The following PTPRD variants were observed in gnomAD, a reference collection of about 807,000 sequenced individuals.
The protein encoded by PTPRD is receptor-type tyrosine-protein phosphatase delta.
PTPRD carries 34 observed loss-of-function variants against 214.5 expected under a neutral mutation model. The ratio of observed to expected loss-of-function variants is 0.16; its 90% CI spans 0.12 to 0.21. PTPRD has a LOEUF of 0.21. Among genes scored for constraint, PTPRD ranks in the 10% least tolerant of loss-of-function variants. The probability of loss-of-function intolerance (pLI) is 1.00; values close to 1 mark genes in which losing one functional copy is unlikely to be tolerated. For missense variants in PTPRD, 2,545 were observed against 2,398.7 expected (o/e 1.06, Z -1.27); for synonymous variants, 1,128 against 845.7 (o/e 1.33, Z -5.79).
At chr9:8,937,131 G>A (rs1237882203) in intron 11 of PTPRD, among the ~76,000 whole-genome samples, 1 of 151,974 alleles carries the variant, frequency 6.6e-6, no homozygotes, top group Non-Finnish European at 1.5e-5. Context: ...GAAAAATGTT[G>A]ATTAGCTATA....
At chr9:10,089,851 A>G (rs757337653) in intron 3 of PTPRD, among the ~76,000 whole-genome samples, 70 of 151,696 alleles carry the variant, frequency 4.6e-4, no homozygotes, top group Non-Finnish European at 8.3e-4. Context: ...CAAGGGTAGA[A>G]CCATCAGACA....
chr9:8,382,894 G>A (rs2085600798), intron 37 of PTPRD, among the ~76,000 whole-genome samples: 1 of 152,146 alleles, frequency 6.6e-6, no homozygotes, highest in Admixed American at 6.5e-5. Flanking sequence ...ACGGCCTTTG[G>A]CGCTTCCAGT....
intron 9 of PTPRD, among the ~76,000 whole-genome samples, chr9:9,368,846 G>A (rs1314185228): frequency 3.3e-5 from 5 of 151,854 alleles, no homozygotes; most frequent in African/African-American, 1.2e-4. Flanking sequence ...ATGTTGGTGT[G>A]CTGCACCCAT....
At chr9:9,275,185 TATATATATATATA>T (rs1944996133) in intron 9 of PTPRD, among the ~76,000 whole-genome samples, 1 of 19,502 alleles carries the variant, frequency 5.1e-5, no homozygotes, top group Non-Finnish European at 9.8e-5. Flanking sequence ...ATATATATGT[TATATATATATATA>T]TTATATATAT....
At chr9:10,149,708 G>A (rs2099047526) in intron 3 of PTPRD, among the ~76,000 whole-genome samples, 1 of 151,734 alleles carries the variant, frequency 6.6e-6, no homozygotes, top group African/African-American at 2.4e-5. Context: ...TGAATGGTCT[G>A]GCACAATACC....
chr9:9,177,016 T>C (rs2099925309), intron 10 of PTPRD, among the ~76,000 whole-genome samples: 1 of 152,142 alleles, frequency 6.6e-6, no homozygotes, highest in African/African-American at 2.4e-5. Flanking sequence ...CCACTTGTAT[T>C]AATTCATTTT....
intron 11 of PTPRD, among the ~76,000 whole-genome samples, chr9:8,929,741 A>ATATG (rs1555536518): frequency 2.9e-5 from 3 of 101,714 alleles, no homozygotes; most frequent in African/African-American, 1.1e-4. Context: ...GTGTATATAT[A>ATATG]TGTGTATATA....
intron 5 of PTPRD, among the ~76,000 whole-genome samples, chr9:9,784,106 T>C (rs1443929331): frequency 6.6e-6 from 1 of 152,112 alleles, no homozygotes. Context: ...GCGAAAGATT[T>C]CCTATAAGAT....
intron 3 of PTPRD, among the ~76,000 whole-genome samples, chr9:10,063,648 T>G (rs766946922): frequency 2.6e-5 from 4 of 151,990 alleles, no homozygotes; most frequent in Non-Finnish European, 5.9e-5. Flanking sequence ...CATATGTACT[T>G]GATTACAAAT....
At chr9:10,260,730 G>C (rs545057593) in intron 3 of PTPRD, among the ~76,000 whole-genome samples, 1 of 152,136 alleles carries the variant, frequency 6.6e-6, no homozygotes, top group African/African-American at 2.4e-5. Context: ...GAGCATGCAA[G>C]TTCCCATTAA....
chr9:8,882,214 G>A (rs1039922516), intron 11 of PTPRD, among the ~76,000 whole-genome samples: 1 of 152,126 alleles, frequency 6.6e-6, no homozygotes, highest in African/African-American at 2.4e-5. Context: ...ACAGAGTGGT[G>A]TTCCTTTCAT....
At chr9:9,120,353 T>G (rs1397479827) in intron 10 of PTPRD, among the ~76,000 whole-genome samples, 2 of 152,206 alleles carry the variant, frequency 1.3e-5, no homozygotes, top group Admixed American at 6.5e-5. Context: ...ATATATGCCA[T>G]CAGGCACTTG....
intron 26 of PTPRD, among the ~76,000 whole-genome samples, chr9:8,496,206 ACACAAAC>A (rs1563828207): frequency 0.052 from 7,207 of 139,268 alleles, 213 homozygotes; most frequent in South Asian, 0.097. Context: ...ACACACACAC[ACACAAAC>A]ACACACACAC....
At chr9:9,529,687 G>GA (rs149498764) in intron 8 of PTPRD, among the ~76,000 whole-genome samples, 6,002 of 151,206 alleles carry the variant, frequency 0.04, 184 homozygotes, top group African/African-American at 0.087. Context: ...TGGTGGAAAG[G>GA]AAAAAAAATG....
At chr9:9,690,534 C>T (rs2154403352) in intron 7 of PTPRD, among the ~76,000 whole-genome samples, 1 of 151,920 alleles carries the variant, frequency 6.6e-6, no homozygotes, top group South Asian at 2.1e-4. Context: ...GTCTTATCCC[C>T]TCAAATCATT....
At chr9:8,794,955 G>A (rs1002115222) in intron 11 of PTPRD, among the ~76,000 whole-genome samples, 5 of 151,594 alleles carry the variant, frequency 3.3e-5, no homozygotes, top group African/African-American at 1.2e-4. Context: ...TTGTACTGCT[G>A]ATTAATTATT....
chr9:9,248,111 G>A (rs1458977245), intron 9 of PTPRD, among the ~76,000 whole-genome samples: 1 of 151,444 alleles, frequency 6.6e-6, no homozygotes, highest in Non-Finnish European at 1.5e-5. Flanking sequence ...TTTTTAATTT[G>A]AGACAGGGTC....
chr9:10,007,097 A>G (rs1425725551), intron 4 of PTPRD, among the ~76,000 whole-genome samples: 2 of 152,000 alleles, frequency 1.3e-5, no homozygotes, highest in Non-Finnish European at 2.9e-5. Flanking sequence ...GTTTTTAAAA[A>G]GAAAACATTA....
chr9:9,513,909 G>C (rs534871042), intron 8 of PTPRD, among the ~76,000 whole-genome samples: 1 of 152,030 alleles, frequency 6.6e-6, no homozygotes, highest in Non-Finnish European at 1.5e-5. Context: ...TGGCAGAAGA[G>C]AGTAAAAATG....
Sources: allele counts gnomAD v4.1 joint callset (sites outside exome capture counted in the v4.1 genomes callset), GRCh38; gene constraint gnomAD v4.1.1; transcripts MANE v1.5; gene names NCBI Gene and HGNC (gene_info 2026-07-23, HGNC 2026-07-21).